PTK2: variants seen among roughly 807,000 people sequenced by gnomAD.
PTK2 encodes the protein focal adhesion kinase 1.
Under a neutral mutation model 150.1 loss-of-function variants are expected in PTK2, and 45 were observed. The observed-to-expected ratio is 0.30, with a 90% confidence interval of 0.24 to 0.38. The LOEUF (loss-of-function observed/expected upper bound fraction) is 0.38. Among genes scored for constraint, PTK2 ranks in the 10% least tolerant of loss-of-function variants. The pLI is 1.00. For synonymous variants in PTK2, 432 were observed against 449.2 expected, an observed-to-expected ratio of 0.96 and a Z score of 0.48; for missense variants, 919 against 1,307.3, an observed-to-expected ratio of 0.70 and a Z score of 4.58.
intron 1 of PTK2, among the ~76,000 whole-genome samples, chr8:140,961,445 A>T (rs2100183134): frequency 2.6e-5 from 4 of 152,096 alleles, no homozygotes; most frequent in Admixed American, 2.6e-4. Context: ...GTGGATCACA[A>T]GGTCAGGAGA....
In PTK2 at chr8:140,879,700, A is replaced by AAC. The variant is rs1568062052; in HGVS notation, c.196-65_196-64dup. ...TGAAAAAAAAAAAAAAAAAAAAAAA[A>AAC]ACCAAAACAAAACAAAAACAAAACA... On this transcript the variant is annotated intron_variant, in intron 3 of 31. Coordinates refer to ENST00000522684, the Ensembl canonical transcript of PTK2. 7.3e-4 allele frequency: 830 copies of AAC among 1,140,240 alleles called. 10 individuals are homozygous for AAC. Among genetic ancestry groups the AAC allele is most frequent in the Non-Finnish European group, 5.5e-4 (484 of 886,682 alleles). The allele number at this position is 1,140,240 out of a possible 1,614,324, so 70.6% of individuals were successfully genotyped here. A position where few individuals can be genotyped will look rare whatever the true frequency, so the allele number is the denominator to read the frequency against.
At chr8:140,777,395 T>C (rs917052513) in intron 14 of PTK2, among the ~76,000 whole-genome samples, 6 of 152,176 alleles carry the variant, frequency 3.9e-5, no homozygotes, top group Admixed American at 1.3e-4. Context: ...CAGGTTCTAA[T>C]GTGAACTAAG....
exon 20 of PTK2, chr8:140,743,258 T>G: frequency 6.2e-7 from 1 of 1,610,866 alleles, no homozygotes; most frequent in Non-Finnish European, 8.5e-7. Flanking sequence ...CTTCCATATA[T>G]CGGGATAATC....
intron 1 of PTK2, among the ~76,000 whole-genome samples, chr8:140,992,698 G>A (rs1358802393): frequency 6.6e-6 from 1 of 152,176 alleles, no homozygotes; most frequent in Non-Finnish European, 1.5e-5. Context: ...GACTATGGTG[G>A]AATTCACTGA....
chr8:140,709,457 T>C (rs972431740), intron 23 of PTK2, among the ~76,000 whole-genome samples: 4 of 152,180 alleles, frequency 2.6e-5, no homozygotes, highest in Non-Finnish European at 5.9e-5. Context: ...ATTGGTAAAA[T>C]AGCTCTACTT....
intron 7 of PTK2, among the ~76,000 whole-genome samples, chr8:140,833,936 G>A (rs1035703416): frequency 2.0e-5 from 3 of 150,782 alleles, no homozygotes; most frequent in African/African-American, 7.5e-5. Context: ...ACTAATATTA[G>A]GTTAGAACTG....
chr8:140,689,523 C>T (rs960198175), intron 26 of PTK2, among the ~76,000 whole-genome samples: 6 of 152,128 alleles, frequency 3.9e-5, no homozygotes, highest in Admixed American at 6.5e-5. Context: ...TATGAATAGT[C>T]CATTGATTAG....
At chr8:140,964,897 C>A (rs1249053133) in intron 1 of PTK2, among the ~76,000 whole-genome samples, 1 of 152,000 alleles carries the variant, frequency 6.6e-6, no homozygotes, top group African/African-American at 2.4e-5. Flanking sequence ...ATTCTTTGCT[C>A]CCAAGAAAAA....
At chr8:140,801,527 A>G (rs558469060) in intron 11 of PTK2, among the ~76,000 whole-genome samples, 2 of 152,298 alleles carry the variant, frequency 1.3e-5, no homozygotes, top group African/African-American at 4.8e-5. Context: ...CCAACCTCTC[A>G]TGCCTCAGTT....
chr8:140,955,263 G>C (rs749038637), intron 1 of PTK2, among the ~76,000 whole-genome samples: 1 of 152,134 alleles, frequency 6.6e-6, no homozygotes. Context: ...CTGAATCATG[G>C]GGGCAGGTCT....
At chr8:140,983,980 C>A (rs1184972964) in intron 1 of PTK2, 4 of 152,248 alleles carry the variant, frequency 2.6e-5, no homozygotes, top group African/African-American at 7.2e-5. Context: ...GACGGTAAAA[C>A]CCCGTCTCTA....
intron 22 of PTK2, among the ~76,000 whole-genome samples, chr8:140,719,867 C>CA (rs1484657862): frequency 8.8e-6 from 1 of 113,880 alleles, no homozygotes; most frequent in East Asian, 2.8e-4. Context: ...GCCTGGGTGA[C>CA]AGAGTGAGAC....
rs115456791 is a variant in PTK2, at chr8:140,829,182, C to T, written c.648+1290G>A. 4.3e-3 allele frequency among the ~76,000 whole-genome samples: 657 copies of T among 152,314 alleles called. 4 individuals are homozygous for T. The highest frequency in any genetic ancestry group is 0.015 in the African/African-American group (626 of 41,560). ...ATTTTTCCTGTACTATTCTTAAATGCACGTCTTATTGCATTTCTAGAATGC... is the reference window on the plus strand; with the variant it reads ...ATTTTTCCTGTACTATTCTTAAATGTACGTCTTATTGCATTTCTAGAATGC... On this transcript the variant is annotated intron_variant, in intron 8 of 31. Transcript: ENST00000522684.
chr8:140,835,117 T>G (rs2100117930), intron 7 of PTK2, among the ~76,000 whole-genome samples: 1 of 152,222 alleles, frequency 6.6e-6, no homozygotes, highest in Non-Finnish European at 1.5e-5. Flanking sequence ...ATCCTCTAGG[T>G]GCCCATCTAG....
At chr8:140,867,947 A>G (rs768606014) in intron 4 of PTK2, among the ~76,000 whole-genome samples, 11 of 152,188 alleles carry the variant, frequency 7.2e-5, no homozygotes, top group Non-Finnish European at 1.3e-4. Flanking sequence ...CCATTTTAAG[A>G]GTCTAGTTGC....
intron 4 of PTK2, among the ~76,000 whole-genome samples, chr8:140,875,019 AG>A (rs747317668): frequency 6.4e-4 from 98 of 152,344 alleles, no homozygotes; most frequent in African/African-American, 2.3e-3. Context: ...CAGTCTTCAG[AG>A]GTCTGTAAAA....
At chr8:140,843,458 A>AT (rs1812862662) in intron 7 of PTK2, among the ~76,000 whole-genome samples, 1 of 152,092 alleles carries the variant, frequency 6.6e-6, no homozygotes, top group Non-Finnish European at 1.5e-5. Flanking sequence ...TTGGCCTCAC[A>AT]TACAGATAGG....
intron 16 of PTK2, among the ~76,000 whole-genome samples, chr8:140,760,154 G>A (rs1277430998): frequency 6.6e-5 from 10 of 151,764 alleles, no homozygotes; most frequent in East Asian, 5.9e-4. Flanking sequence ...CCTGGAAGGC[G>A]GAGGTTGCAG....
At chr8:140,791,960 G>C (rs1342882306) in intron 13 of PTK2, among the ~76,000 whole-genome samples, 1 of 152,210 alleles carries the variant, frequency 6.6e-6, no homozygotes, top group South Asian at 2.1e-4. Flanking sequence ...TATCCTAAGA[G>C]CAAGAGTAGG....
Sources: gnomAD v4.1 joint callset for allele counts (sites outside exome capture counted in the v4.1 genomes callset) on GRCh38, gnomAD v4.1.1 for gene constraint, MANE v1.5 for transcripts, NCBI Gene and HGNC (gene_info 2026-07-23, HGNC 2026-07-21) for gene names.